Variants in SLC35F2 observed in about 807,000 individuals in gnomAD.
SLC35F2 encodes solute carrier family 35 member F2.
SLC35F2 carries 25 observed loss-of-function variants against 38.1 expected under a neutral mutation model. The observed-to-expected ratio is 0.66, with a 90% confidence interval of 0.48 to 0.92. The LOEUF (loss-of-function observed/expected upper bound fraction) is 0.92. SLC35F2 is among the 40% of genes least tolerant of loss of function. The pLI is 0.00. For missense variants in SLC35F2, 409 were observed against 452.9 expected (o/e 0.90, Z 0.88); for synonymous variants, 173 against 181.7 (o/e 0.95, Z 0.38).
At chr11:107,850,234 A>G (rs1860157082) in intron 1 of SLC35F2, among the ~76,000 whole-genome samples, 1 of 152,072 alleles carries the variant, frequency 6.6e-6, no homozygotes, top group Non-Finnish European at 1.5e-5. Flanking sequence ...CACATAGGGG[A>G]CATGTATGAG....
At chr11:107,828,383 G>A (rs1448043039) in intron 1 of SLC35F2, among the ~76,000 whole-genome samples, 2 of 148,638 alleles carry the variant, frequency 1.3e-5, no homozygotes, top group Non-Finnish European at 3.0e-5. Context: ...GCAGTGAACT[G>A]AGATCGCACC....
At chr11:107,826,441 T>C (rs934876759) in intron 1 of SLC35F2, among the ~76,000 whole-genome samples, 1 of 152,018 alleles carries the variant, frequency 6.6e-6, no homozygotes, top group Non-Finnish European at 1.5e-5. Context: ...ATAGGGTTTC[T>C]CCATGTTGGT....
At chr11:107,808,873 G>A (rs1859437807) in intron 3 of SLC35F2, among the ~76,000 whole-genome samples, 1 of 152,184 alleles carries the variant, frequency 6.6e-6, no homozygotes, top group South Asian at 2.1e-4. Context: ...AACAAAAAAA[G>A]TAGAAAAAGA....
chr11:107,807,206 G>A (rs1033663588), intron 3 of SLC35F2, among the ~76,000 whole-genome samples: 5 of 143,908 alleles, frequency 3.5e-5, no homozygotes, highest in Admixed American at 7.3e-5. Flanking sequence ...AGGCTGTGGC[G>A]GGCAGACTGC....
intron 1 of SLC35F2, among the ~76,000 whole-genome samples, chr11:107,829,385 C>T (rs1039070529): frequency 1.3e-4 from 20 of 151,204 alleles, no homozygotes; most frequent in African/African-American, 4.6e-4. Context: ...TGCCACCGCA[C>T]TACAGTCTGG....
At chr11:107,815,651 C>T in intron 2 of SLC35F2, 139 bp downstream of exon 2, 1 of 955,444 alleles carries the variant, frequency 1.0e-6, no homozygotes, top group African/African-American at 1.7e-5. Flanking sequence ...TATGGTGCTA[C>T]TTACTTTAAT....
At chr11:107,821,127 G>A (rs1165134730) in intron 1 of SLC35F2, among the ~76,000 whole-genome samples, 2 of 152,168 alleles carry the variant, frequency 1.3e-5, no homozygotes, top group Non-Finnish European at 2.9e-5. Flanking sequence ...CCAAGTGGCT[G>A]ATAACCTAAT....
chr11:107,858,646 C>A lies in SLC35F2; in HGVS notation c.110+12G>T. On this transcript the variant is annotated intron_variant, in intron 1 of 7. Coordinates refer to ENST00000525815, the MANE Select transcript of SLC35F2 (RefSeq NM_017515.5). ...CGCCCCAGCGGAGCTGCAGCACGCC[C>A]CTTCCACTCACCAGGTGAAGAGTTT... 1 of 1,286,242 alleles carries A rather than the reference C, an allele frequency of 7.8e-7. No homozygotes were observed. The highest frequency in any genetic ancestry group is 9.9e-7 in the Non-Finnish European group (1 of 1,008,950). 79.7% of individuals were successfully genotyped at this position (1,286,242 alleles called of 1,614,324 possible).
chr11:107,809,457 C>A (rs1188148447), intron 3 of SLC35F2, among the ~76,000 whole-genome samples: 5 of 107,720 alleles, frequency 4.6e-5, no homozygotes, highest in Admixed American at 1.9e-4. Flanking sequence ...TGAGACTCCA[C>A]CTCAAAAAAA....
chr11:107,795,533 C>A (rs1591182696), intron 7 of SLC35F2, among the ~76,000 whole-genome samples: 2 of 152,184 alleles, frequency 1.3e-5, no homozygotes, highest in East Asian at 1.9e-4. Flanking sequence ...GAAAAGATAA[C>A]CTCCTGAATG....
chr11:107,855,436 T>C (rs1031553972), intron 1 of SLC35F2, among the ~76,000 whole-genome samples: 13 of 152,238 alleles, frequency 8.5e-5, no homozygotes, highest in African/African-American at 3.1e-4. Context: ...GCGGATCACC[T>C]GAGGTTGGGA....
intron 1 of SLC35F2, among the ~76,000 whole-genome samples, chr11:107,831,857 C>G (rs550868727): frequency 6.6e-6 from 1 of 152,180 alleles, no homozygotes; most frequent in South Asian, 2.1e-4. Context: ...GAACAGGAAT[C>G]AAGAGGTTCA....
chr11:107,812,693 GT>G (rs199601715), intron 2 of SLC35F2, among the ~76,000 whole-genome samples: 9 of 151,696 alleles, frequency 5.9e-5, no homozygotes, highest in East Asian at 3.9e-4. Context: ...AAATAAAATA[GT>G]TTTTTTTTAA....
intron 1 of SLC35F2, among the ~76,000 whole-genome samples, chr11:107,818,973 T>C (rs967633495): frequency 1.3e-5 from 2 of 152,096 alleles, no homozygotes; most frequent in African/African-American, 4.8e-5. Flanking sequence ...AGACCCTGTC[T>C]CTATTTTAAA....
chr11:107,853,598 T>C (rs2134866500), intron 1 of SLC35F2, among the ~76,000 whole-genome samples: 1 of 151,332 alleles, frequency 6.6e-6, no homozygotes, highest in East Asian at 2.0e-4. Context: ...TGGGCGCCTG[T>C]AGTCCCAGCT....
At chr11:107,848,883 T>A (rs997940018) in intron 1 of SLC35F2, among the ~76,000 whole-genome samples, 4 of 152,024 alleles carry the variant, frequency 2.6e-5, no homozygotes, top group Admixed American at 6.6e-5. Context: ...ACCACTAGGG[T>A]AGGTGATGGG....
chr11:107,809,460 C>CAAA (rs775009107), intron 3 of SLC35F2, among the ~76,000 whole-genome samples: 3 of 106,182 alleles, frequency 2.8e-5, no homozygotes, highest in Non-Finnish European at 5.7e-5. Flanking sequence ...GACTCCACCT[C>CAAA]AAAAAAAAAA....
At chr11:107,802,242 A>AAAAAAAAAAAATAAATAAATAAATAAAT (rs559048077) in intron 7 of SLC35F2, among the ~76,000 whole-genome samples, 68 of 147,966 alleles carry the variant, frequency 4.6e-4, no homozygotes, top group African/African-American at 1.5e-3. Context: ...CATCTCAAAA[A>AAAAAAAAAAAATAAATAAATAAATAAAT]AAATAAATAA....
rs1859150444 is a variant in SLC35F2, at chr11:107,792,604, A to G, written c.*11T>C. Reference sequence around the variant, plus strand: ...TATCCTGGTGGGGGATGGGTGCGCCATCTTCTCCAGCTACAAGACAGCAGA... The same window carrying G: ...TATCCTGGTGGGGGATGGGTGCGCCGTCTTCTCCAGCTACAAGACAGCAGA... On this transcript the variant is annotated 3_prime_UTR_variant, in exon 8 of 8. Coordinates refer to ENST00000525815, the MANE Select transcript of SLC35F2 (RefSeq NM_017515.5). 1.3e-6 allele frequency: 2 copies of G among 1,599,854 alleles called. No individual in the cohort carries two copies. Among genetic ancestry groups the G allele is most frequent in the South Asian group, 1.1e-5 (1 of 88,000 alleles).
Sources: allele counts gnomAD v4.1 joint callset (sites outside exome capture counted in the v4.1 genomes callset), GRCh38; gene constraint gnomAD v4.1.1; transcripts MANE v1.5; gene names NCBI Gene and HGNC (gene_info 2026-07-23, HGNC 2026-07-21).